CABIN1: variants seen among roughly 807,000 people sequenced by gnomAD.
The protein encoded by CABIN1 is calcineurin binding protein 1, also known as calcineurin-binding protein cabin-1.
In CABIN1, 133 loss-of-function variants were observed where a neutral mutation model predicts 227.7. That is an observed-to-expected ratio of 0.58 (90% CI 0.51 to 0.67). The LOEUF is 0.67. CABIN1 is among the 30% of genes least tolerant of loss of function. The pLI is 0.00. For missense variants in CABIN1, 2,408 were observed against 2,852.5 expected (o/e 0.84, Z 3.55); for synonymous variants, 1,086 against 1,155.1 (o/e 0.94, Z 1.21).
At chr22:24,068,853 G>C (rs1224717699) in intron 16 of CABIN1, among the ~76,000 whole-genome samples, 2 of 152,150 alleles carry the variant, frequency 1.3e-5, no homozygotes, top group African/African-American at 2.4e-5. Flanking sequence ...TCCAAGAGTG[G>C]AGAAATATTC....
chr22:24,166,063 G>C (rs970514733), intron 31 of CABIN1, among the ~76,000 whole-genome samples: 3 of 152,216 alleles, frequency 2.0e-5, no homozygotes, highest in Non-Finnish European at 4.4e-5. Context: ...GCCAGCCTAC[G>C]AGGTGGGGCT....
Position 24,176,182 on chromosome 22 carries a change from G to A in CABIN1, c.6112G>A (p.Val2038Met). The A allele has an allele frequency of 6.2e-7, 1 of 1,611,270 alleles. No homozygotes were observed. The highest frequency in any genetic ancestry group is 8.5e-7 in the Non-Finnish European group (1 of 1,179,338). ...TCAGGAGCCACGGCACAGTCCGCAG[G>A]TGAAGATGGCCCCCACAAGTTCCCC... ...PPQEPRHSPQ[V>M]KMAPTSSPAE... is the part of the protein sequence containing the mutation. The change falls in exon 35 of 37, where the codon GTG becomes ATG. Residue 2038 changes from valine (V) to methionine (M), a missense_variant. This residue lies in a region of CABIN1 where 714 missense variants were observed against 773.8 expected (regional missense o/e 0.92). Transcript: ENST00000263119.
intron 6 of CABIN1, among the ~76,000 whole-genome samples, chr22:24,047,661 C>T (rs1447467615): frequency 6.6e-6 from 1 of 152,260 alleles, no homozygotes; most frequent in East Asian, 1.9e-4. Context: ...TGTGGCCAGT[C>T]TCTGCTCTCT....
chr22:24,172,725 A>C (rs1297320555), intron 34 of CABIN1, among the ~76,000 whole-genome samples: 1 of 152,182 alleles, frequency 6.6e-6, no homozygotes, highest in East Asian at 1.9e-4. Context: ...GGGGATGTAG[A>C]GGCAGCGCTG....
At chr22:24,172,857 C>G (rs2046897474) in intron 34 of CABIN1, among the ~76,000 whole-genome samples, 1 of 152,212 alleles carries the variant, frequency 6.6e-6, no homozygotes, top group African/African-American at 2.4e-5. Context: ...GGGCCAGGTT[C>G]CACCTGCCAC....
intron 10 of CABIN1, 73 bp downstream of exon 10, chr22:24,056,433 C>T: frequency 7.0e-7 from 1 of 1,427,368 alleles, no homozygotes; most frequent in Non-Finnish European, 9.9e-7. Context: ...TAACATTTCT[C>T]ATTCCATTGC....
intron 29 of CABIN1, among the ~76,000 whole-genome samples, chr22:24,138,012 G>T (rs752802038): frequency 1.1e-4 from 16 of 152,150 alleles, no homozygotes; most frequent in Non-Finnish European, 2.4e-4. Context: ...GTTGAGACTG[G>T]GGACATCAGC....
chr22:24,130,856 T>G (rs996291397), intron 28 of CABIN1, among the ~76,000 whole-genome samples: 8 of 152,212 alleles, frequency 5.3e-5, no homozygotes, highest in African/African-American at 1.7e-4. Context: ...CAGTACACAG[T>G]AGCCAGGTCT....
rs936016916 is a variant in CABIN1 at position 24,050,922 on chromosome 22, G to A, written c.754G>A (p.Val252Met). Residue 252 changes from valine to methionine, a missense_variant, in exon 8 of 37, where the codon GTG becomes ATG. This residue lies in a region of CABIN1 where 1,045 missense variants were observed against 1,168.4 expected (regional missense o/e 0.89). Coordinates refer to ENST00000263119, the MANE Select transcript of CABIN1 (RefSeq NM_012295.4). ...GCGAAAAAAGAGGCAAGCGCTGATT[G>A]TGCGGGAGAAGGAGCCGGACCTGAA... ...GLRKKRQALI[V>M]REKEPDLKLV... 3 of 1,614,124 alleles carry A rather than the reference G, an allele frequency of 1.9e-6. No individual in the cohort carries two copies. The highest frequency in any genetic ancestry group is 1.7e-6 in the Non-Finnish European group (2 of 1,180,056).
chr22:24,054,889 G>T lies in CABIN1; in HGVS notation c.823G>T (p.Glu275Ter). The T allele has an allele frequency of 2.5e-6, 4 of 1,614,168 alleles. No individual in the cohort carries two copies. The highest frequency in any genetic ancestry group is 3.4e-6 in the Non-Finnish European group (4 of 1,180,014). Residue 275 changes from glutamate (E) to a stop codon, truncating the protein, a stop_gained, in exon 9 of 37, where the codon GAG (glutamate) becomes TAG (stop). Transcript: ENST00000263119. LOFTEE classifies it high-confidence loss of function. The part of the protein sequence containing the change: ...IPFFTWKCLG[E>*]SLLAMYNHLT... Reference sequence around the variant, plus strand: ...TCCCTTTAGCTGGAAGTGCCTCGGAGAGAGCTTGCTGGCCATGTACAATCA... The same window carrying T: ...TCCCTTTAGCTGGAAGTGCCTCGGATAGAGCTTGCTGGCCATGTACAATCA...
chr22:24,094,605 C>G (rs1055046740), intron 24 of CABIN1, among the ~76,000 whole-genome samples: 3 of 151,796 alleles, frequency 2.0e-5, no homozygotes, highest in African/African-American at 7.3e-5. Flanking sequence ...ATCATGAGGT[C>G]AGGAGATCGA....
chr22:24,020,339 T>G (rs1015879941), intron 1 of CABIN1, among the ~76,000 whole-genome samples: 21 of 152,184 alleles, frequency 1.4e-4, no homozygotes, highest in African/African-American at 4.8e-4. Flanking sequence ...TTTTTATTTT[T>G]GATACGGGGT....
intron 1 of CABIN1, among the ~76,000 whole-genome samples, chr22:24,013,639 T>C: frequency 6.6e-6 from 1 of 152,238 alleles, no homozygotes; most frequent in East Asian, 1.9e-4. Flanking sequence ...AATCTAGTGT[T>C]GGTACAGTAT....
chr22:24,174,409 G>A (rs1379080169), intron 34 of CABIN1, among the ~76,000 whole-genome samples: 1 of 152,204 alleles, frequency 6.6e-6, no homozygotes, highest in African/African-American at 2.4e-5. Context: ...GATTACAGGT[G>A]TGAACCACCA....
chr22:24,113,881 T>C (rs1391955479), intron 27 of CABIN1, 133 bp downstream of exon 27: 4 of 951,890 alleles, frequency 4.2e-6, no homozygotes, highest in Admixed American at 4.1e-5. Context: ...TTTTTCTCCC[T>C]GTAGGATGAG....
chr22:24,013,008 G>A (rs1189231144), intron 1 of CABIN1, among the ~76,000 whole-genome samples: 1 of 151,760 alleles, frequency 6.6e-6, no homozygotes, highest in African/African-American at 2.4e-5. Flanking sequence ...TGATCCACCC[G>A]CCTCGGCCTC....
intron 28 of CABIN1, among the ~76,000 whole-genome samples, chr22:24,130,070 C>A (rs1357818544): frequency 3.3e-5 from 5 of 152,228 alleles, no homozygotes; most frequent in Admixed American, 6.5e-5. Flanking sequence ...TACTTCTCTT[C>A]AGGACCTTAC....
At chr22:24,037,497 G>A (rs1214207819) in intron 3 of CABIN1, among the ~76,000 whole-genome samples, 6 of 151,806 alleles carry the variant, frequency 4.0e-5, no homozygotes, top group African/African-American at 1.5e-4. Flanking sequence ...GTAGAGACAG[G>A]GGTCTCTCTA....
chr22:24,133,106 C>T (rs765852546), intron 28 of CABIN1, among the ~76,000 whole-genome samples: 2 of 152,138 alleles, frequency 1.3e-5, no homozygotes, highest in African/African-American at 2.4e-5. Context: ...GTGGGGCAGG[C>T]AGGGGGTCCC....
Sources: allele counts gnomAD v4.1 joint callset (sites outside exome capture counted in the v4.1 genomes callset), GRCh38; gene constraint gnomAD v4.1.1; regional missense constraint gnomAD v4.1.1; transcripts MANE v1.5; gene names NCBI Gene and HGNC (gene_info 2026-07-23, HGNC 2026-07-21).